Variants in CFAP206 observed in about 807,000 individuals in gnomAD.
CFAP206 encodes cilia and flagella associated protein 206.
Under a neutral mutation model 65.4 loss-of-function variants are expected in CFAP206, and 53 were observed. That is an observed-to-expected ratio of 0.81 (90% CI 0.65 to 1.02). CFAP206 has a LOEUF of 1.02. Ranked by LOEUF, CFAP206 falls within the 50% of genes least tolerant of loss-of-function variation. The probability of loss-of-function intolerance (pLI) is 0.00; values close to 1 mark genes in which losing one functional copy is unlikely to be tolerated. For synonymous variants in CFAP206, 250 were observed against 254.4 expected (o/e 0.98, Z 0.17); for missense variants, 663 against 753.2 (o/e 0.88, Z 1.40).
intron 11 of CFAP206, among the ~76,000 whole-genome samples, chr6:87,450,621 G>A (rs1009648027): frequency 1.0e-4 from 15 of 149,238 alleles, no homozygotes; most frequent in Admixed American, 2.7e-4. Flanking sequence ...ACCAGATTGA[G>A]AGGCAGAGCA....
chr6:87,422,689 T>G lies in CFAP206; in HGVS notation c.841-3837T>G, dbSNP rs530493939. Among the ~76,000 whole-genome samples the G allele has an allele frequency of 2.7e-5, 4 of 150,304 alleles. No individual in the cohort carries two copies. In the South Asian group the frequency reaches 8.5e-4, roughly 32 times the overall value. ...TCGCTTGAACGCGGAGGGTGGAGGCTGCAGTGAGCTGAGATTGCACCACTG... is the reference window on the plus strand; with the variant it reads ...TCGCTTGAACGCGGAGGGTGGAGGCGGCAGTGAGCTGAGATTGCACCACTG... On this transcript the variant is annotated intron_variant, in intron 7 of 12. Transcript: ENST00000369562.
chr6:87,460,334 A>G (rs1768724215), intron 11 of CFAP206, among the ~76,000 whole-genome samples: 1 of 152,248 alleles, frequency 6.6e-6, no homozygotes, highest in South Asian at 2.1e-4. Flanking sequence ...CTATGTATGC[A>G]TAGCTTGAGT....
intron 7 of CFAP206, 32 bp downstream of exon 7, chr6:87,418,448 TA>T (rs1283356172): frequency 3.8e-6 from 6 of 1,579,900 alleles, no homozygotes; most frequent in Non-Finnish European, 5.2e-6. Flanking sequence ...TGACCTTTTC[TA>T]TATAATGCAA....
Position 87,428,718 on chromosome 6 carries a change from G to T in CFAP206, c.1053G>T (p.Gln351His). ...GVLSNLFTHI[Q>H]PFLGAHELYF... ...TCAGTAATTTATTCACTCACATTCAGCCATTCTTGGGTGCTCACGAACTAT... is the reference window on the plus strand; with the variant it reads ...TCAGTAATTTATTCACTCACATTCATCCATTCTTGGGTGCTCACGAACTAT... Residue 351 changes from glutamine to histidine, a missense_variant, in exon 9 of 13, where the codon CAG (glutamine) becomes CAT (histidine). Gln to His is a conservative substitution (Grantham distance 24). Transcript: ENST00000369562. 3.1e-6 allele frequency: 5 copies of T among 1,614,050 alleles called. No individual in the cohort carries two copies. Among genetic ancestry groups the T allele is most frequent in the Non-Finnish European group, 3.4e-6 (4 of 1,180,002 alleles).
intron 4 of CFAP206, among the ~76,000 whole-genome samples, chr6:87,415,075 G>A (rs1434881591): frequency 6.6e-6 from 1 of 152,088 alleles, no homozygotes; most frequent in Non-Finnish European, 1.5e-5. Flanking sequence ...AGGGAACATA[G>A]TGTCCTGCCA....
chr6:87,418,410 C>A lies in CFAP206; in HGVS notation c.834C>A (p.Ile278=). 1 of 1,613,676 alleles carries A rather than the reference C, an allele frequency of 6.2e-7. No individual in the cohort carries two copies. Among genetic ancestry groups the A allele is most frequent in the Non-Finnish European group, 8.5e-7 (1 of 1,179,706 alleles). Reference sequence around the variant, plus strand: ...GACAATATGAGGTCTTCCTTCAGATCATTTTGGTGAGTTAAGTTCATAAGA... The same window carrying A: ...GACAATATGAGGTCTTCCTTCAGATAATTTTGGTGAGTTAAGTTCATAAGA... ...NIRQYEVFLQ[I]ILSDIITGAQ... The change falls in exon 7 of 13, where the codon ATC becomes ATA. Residue 278 remains isoleucine, a synonymous_variant. Coordinates refer to ENST00000369562, the MANE Select transcript of CFAP206 (RefSeq NM_001031743.3).
At chr6:87,441,096 C>G (rs1416380366) in intron 11 of CFAP206, 5 of 158,212 alleles carry the variant, frequency 3.2e-5, no homozygotes, top group Admixed American at 6.5e-5. Flanking sequence ...AAGCATGGCC[C>G]TAGGGTATCA....
In CFAP206 at chr6:87,413,827, A is replaced by T; in HGVS notation, c.210A>T (p.Leu70=). ...TTTTCTAGCTTTGTATGACTCGGCT[A>T]TTGGATACTAAAAATCCATCCCTGG... ...QNLVKLCMTR[L]LDTKNPSLDT... Residue 70 remains leucine (L), a synonymous_variant, in exon 4 of 13, where the codon CTA becomes CTT. Coordinates refer to ENST00000369562, the MANE Select transcript of CFAP206 (RefSeq NM_001031743.3). 6.4e-7 allele frequency: 1 copy of T among 1,568,046 alleles called. No individual in the cohort carries two copies.
Position 87,428,713 on chromosome 6 carries a change from A to G in CFAP206, c.1048A>G (p.Ile350Val), listed in dbSNP as rs765370275. Residue 350 changes from isoleucine to valine, a missense_variant, in exon 9 of 13, where the codon ATT becomes GTT. Ile to Val is a conservative substitution (Grantham distance 29). Transcript: ENST00000369562. ...VGVLSNLFTHIQPFLGAHELY... is the reference protein window; with the variant it reads ...VGVLSNLFTHVQPFLGAHELY... ...TGTCCTCAGTAATTTATTCACTCAC[A>G]TTCAGCCATTCTTGGGTGCTCACGA... 27 of 1,614,150 alleles carry G rather than the reference A, an allele frequency of 1.7e-5. No homozygotes were observed. The highest frequency in any genetic ancestry group is 2.1e-5 in the Non-Finnish European group (25 of 1,180,028).
chr6:87,419,131 TTG>T lies in CFAP206; in HGVS notation c.840+717_840+718del, dbSNP rs1212172163. 4.0e-4 allele frequency among the ~76,000 whole-genome samples: 61 copies of T among 152,010 alleles called. 1 individual carries two copies. Among genetic ancestry groups the T allele is most frequent in the African/African-American group, 1.4e-3 (60 of 41,410 alleles). ...CTCAAAAAAACGTTTGTTTTTTTTT[TTG>T]TTTTTTTTTTAAATATAGATTGGAG... On this transcript the variant is annotated intron_variant, in intron 7 of 12. Transcript: ENST00000369562.
chr6:87,447,669 G>C (rs540705522), intron 11 of CFAP206, among the ~76,000 whole-genome samples: 1 of 152,090 alleles, frequency 6.6e-6, no homozygotes, highest in Non-Finnish European at 1.5e-5. Context: ...CCAGGTTTTG[G>C]TATCTGTATG....
chr6:87,444,239 A>AGCT (rs541392854), intron 11 of CFAP206, among the ~76,000 whole-genome samples: 103 of 152,290 alleles, frequency 6.8e-4, no homozygotes, highest in Non-Finnish European at 1.3e-3. Context: ...AAAATGCTTC[A>AGCT]GCTGCATTTG....
intron 11 of CFAP206, among the ~76,000 whole-genome samples, chr6:87,460,219 A>C (rs980620628): frequency 2.6e-5 from 4 of 152,150 alleles, no homozygotes; most frequent in Admixed American, 2.0e-4. Context: ...CAGCACCATC[A>C]TGTCTTGTTT....
chr6:87,426,710 C>A, intron 8 of CFAP206, 65 bp downstream of exon 8: 7 of 1,191,076 alleles, frequency 5.9e-6, no homozygotes, highest in Non-Finnish European at 7.9e-6. Flanking sequence ...AATATTGGAT[C>A]GCAAGTCATT....
intron 11 of CFAP206, among the ~76,000 whole-genome samples, chr6:87,437,627 C>T (rs1336333516): frequency 6.6e-6 from 1 of 151,080 alleles, no homozygotes; most frequent in Non-Finnish European, 1.5e-5. Context: ...CTCCTCTGTC[C>T]TAGGATTATT....
chr6:87,450,639 A>G (rs1399129830), intron 11 of CFAP206, among the ~76,000 whole-genome samples: 2 of 151,836 alleles, frequency 1.3e-5, no homozygotes, highest in Non-Finnish European at 2.9e-5. Flanking sequence ...GCAAGATGGC[A>G]GAATAGAACC....
chr6:87,441,470 A>G (rs147515276), intron 11 of CFAP206: 4 of 158,650 alleles, frequency 2.5e-5, no homozygotes, highest in African/African-American at 9.6e-5. Context: ...ATCCTATTTC[A>G]TTCCATTGAT....
chr6:87,460,291 A>G (rs1355290913), intron 11 of CFAP206, among the ~76,000 whole-genome samples: 1 of 152,246 alleles, frequency 6.6e-6, no homozygotes, highest in Non-Finnish European at 1.5e-5. Flanking sequence ...ATATTCAACT[A>G]AAAACAAAGC....
chr6:87,420,095 AAAT>A (rs1203679404), intron 7 of CFAP206, among the ~76,000 whole-genome samples: 1 of 152,124 alleles, frequency 6.6e-6, no homozygotes, highest in Non-Finnish European at 1.5e-5. Flanking sequence ...ATAAATAAAT[AAAT>A]AATAATAAAA....
Sources: allele counts gnomAD v4.1 joint callset (sites outside exome capture counted in the v4.1 genomes callset), GRCh38; gene constraint gnomAD v4.1.1; transcripts MANE v1.5; gene names NCBI Gene and HGNC (gene_info 2026-07-23, HGNC 2026-07-21).